BMP3: variants seen among roughly 807,000 people sequenced by gnomAD.
BMP3 encodes bone morphogenetic protein 3 (osteogenic).
A neutral mutation model predicts 38.1 loss-of-function variants in BMP3; 23 were observed. The observed-to-expected ratio is 0.60, with a 90% confidence interval of 0.43 to 0.86. The LOEUF (loss-of-function observed/expected upper bound fraction) is 0.86. Ranked by LOEUF, BMP3 falls within the 40% of genes least tolerant of loss-of-function variation. The probability of loss-of-function intolerance (pLI) is 0.00; values close to 1 mark genes in which losing one functional copy is unlikely to be tolerated. For missense variants in BMP3, 628 were observed against 579.6 expected (o/e 1.08, Z -0.86); for synonymous variants, 258 against 225.7 (o/e 1.14, Z -1.28).
At chr4:81,036,843 A>G (rs896631582) in intron 1 of BMP3, among the ~76,000 whole-genome samples, 1 of 152,146 alleles carries the variant, frequency 6.6e-6, no homozygotes, top group Non-Finnish European at 1.5e-5. Flanking sequence ...GCATGATGGC[A>G]TATACAGCAG....
chr4:81,040,360 C>T (rs939798304), intron 1 of BMP3, among the ~76,000 whole-genome samples: 3 of 152,320 alleles, frequency 2.0e-5, no homozygotes, highest in African/African-American at 7.2e-5. Context: ...ACACTCTACT[C>T]TACCATAAAA....
chr4:81,053,359 A>AAATCATGCT lies in BMP3; in HGVS notation c.1244_1252dup (p.Asn415_Ala417dup), dbSNP rs1740445527. ...TCTTTCTCTAGTCTTTGAAGCCATCAAATCATGCTACCATCCAGAGTATAG... is the reference window on the plus strand; with the variant it reads ...TCTTTCTCTAGTCTTTGAAGCCATCAAATCATGCTAATCATGCTACCATCCAGAGTATAG... On this transcript the variant is annotated inframe_insertion, in exon 3 of 3. Coordinates refer to ENST00000282701, the MANE Select transcript of BMP3 (RefSeq NM_001201.5). The AAATCATGCT allele has an allele frequency of 6.4e-7, 1 of 1,571,292 alleles. No homozygotes were observed. Among genetic ancestry groups the AAATCATGCT allele is most frequent in the Non-Finnish European group, 8.6e-7 (1 of 1,164,554 alleles).
intron 1 of BMP3, among the ~76,000 whole-genome samples, chr4:81,044,480 C>T (rs1247320224): frequency 6.6e-6 from 1 of 152,172 alleles, no homozygotes; most frequent in Non-Finnish European, 1.5e-5. Flanking sequence ...AGGTGAAATT[C>T]ACATAGTATA....
At position 81,031,091 on chromosome 4, in the gene BMP3, T is replaced by G. The variant is rs1739740006; in HGVS notation, c.-194T>G. The G allele has an allele frequency of 2.0e-5, 12 of 598,018 alleles. No homozygotes were observed. The highest frequency in any genetic ancestry group is 3.1e-5 in the Non-Finnish European group (11 of 353,546). 37.0% of individuals were successfully genotyped at this position (598,018 alleles called of 1,614,324 possible). A position where few individuals can be genotyped will look rare whatever the true frequency, so the allele number is the denominator to read the frequency against. On this transcript the variant is annotated 5_prime_UTR_variant, in exon 1 of 3. Transcript: ENST00000282701. ...CGCAGCTGCTGGGGAAGAGCCCACC[T>G]GTCAGGCTGCGCTGGGTCAGCGCAG...
At chr4:81,047,445 G>A (rs749308063) in intron 2 of BMP3, among the ~76,000 whole-genome samples, 2 of 151,722 alleles carry the variant, frequency 1.3e-5, no homozygotes, top group Admixed American at 6.6e-5. Flanking sequence ...TACAGTTTAA[G>A]TAGTACCCTC....
chr4:81,037,365 T>A, intron 1 of BMP3: 1 of 265,334 alleles, frequency 3.8e-6, no homozygotes, highest in Non-Finnish European at 7.8e-6. Flanking sequence ...GAGAAAAGAT[T>A]ATTAGTGTTT....
intron 2 of BMP3, among the ~76,000 whole-genome samples, chr4:81,052,633 C>A (rs541739585): frequency 1.3e-5 from 2 of 152,144 alleles, no homozygotes; most frequent in South Asian, 4.1e-4. Flanking sequence ...ATGCCTAATT[C>A]TAAACCAGTG....
chr4:81,049,591 G>A (rs898359075), intron 2 of BMP3, among the ~76,000 whole-genome samples: 1 of 152,182 alleles, frequency 6.6e-6, no homozygotes, highest in Non-Finnish European at 1.5e-5. Flanking sequence ...ATCACCTTGT[G>A]TGTATCTGTT....
Position 81,031,422 on chromosome 4 carries a change from G to A in BMP3, c.138G>A (p.Pro46=), listed in dbSNP as rs142084218. ...GTGACCGCACGGCAGGTGGTGGCCC[G>A]GACTCCGAGCTGCAGCCGCAAGACA... is the stretch of plus-strand genomic sequence containing the variant. ...VPGDRTAGGG[P]DSELQPQDKV... is the part of the protein sequence containing the mutation. Residue 46 remains proline, a synonymous_variant, in exon 1 of 3, where the codon CCG becomes CCA. Coordinates refer to ENST00000282701, the MANE Select transcript of BMP3 (RefSeq NM_001201.5). The A allele has an allele frequency of 6.2e-7, 1 of 1,613,678 alleles. No individual in the cohort carries two copies. Among genetic ancestry groups the A allele is most frequent in the Admixed American group, 1.7e-5 (1 of 60,012 alleles).
In BMP3 at chr4:81,053,408, G is replaced by A. The variant is rs1411799464; in HGVS notation, c.1291G>A (p.Gly431Arg). The A allele has an allele frequency of 2.5e-6, 4 of 1,611,036 alleles. No homozygotes were observed. The East Asian group carries it at 6.7e-5, about 27-fold the overall frequency. ...AGTGAGAGCTGTGGGGGTCGTTCCT[G>A]GGATTCCTGAGCCTTGCTGTGTACC... The part of the protein sequence containing the change: ...SIVRAVGVVP[G>R]IPEPCCVPEK... Residue 431 changes from glycine (G) to arginine (R), a missense_variant, in exon 3 of 3, where the codon GGG becomes AGG. Coordinates refer to ENST00000282701, the MANE Select transcript of BMP3 (RefSeq NM_001201.5).
At position 81,046,555 on chromosome 4, in the gene BMP3, C is replaced by T. The variant is rs760557406; in HGVS notation, c.1134C>T (p.Asp378=). ...RNCARRYLKV[D]FADIGWSEWI... is the part of the protein sequence containing the mutation. ...GCGCCAGGAGATACCTCAAGGTAGA[C>T]TTTGCAGATATTGGCTGGAGTGAAT... Residue 378 remains aspartate, a synonymous_variant, in exon 2 of 3, where the codon GAC becomes GAT. Coordinates refer to ENST00000282701, the MANE Select transcript of BMP3 (RefSeq NM_001201.5). 5 of 1,614,120 alleles carry T rather than the reference C, an allele frequency of 3.1e-6. No individual in the cohort carries two copies. Among genetic ancestry groups the T allele is most frequent in the Non-Finnish European group, 4.2e-6 (5 of 1,180,010 alleles).
chr4:81,053,313 CAT>C (rs1740444158), intron 2 of BMP3, 30 bp from the exon 3 acceptor site: 1 of 1,483,272 alleles, frequency 6.7e-7, no homozygotes, highest in Non-Finnish European at 9.0e-7. Flanking sequence ...TTCCACCTAA[CAT>C]ATGTGTTCTT....
chr4:81,040,064 A>C (rs1277590341), intron 1 of BMP3, among the ~76,000 whole-genome samples: 3 of 152,196 alleles, frequency 2.0e-5, no homozygotes, highest in African/African-American at 7.2e-5. Context: ...AGTGTGTAAA[A>C]GAGAGTATAG....
At chr4:81,033,128 C>G (rs768923912) in intron 1 of BMP3, among the ~76,000 whole-genome samples, 1 of 152,144 alleles carries the variant, frequency 6.6e-6, no homozygotes, top group Non-Finnish European at 1.5e-5. Flanking sequence ...TCAAATGACT[C>G]TTATCTTGAT....
At chr4:81,052,617 A>G (rs572735540) in intron 2 of BMP3, among the ~76,000 whole-genome samples, 1 of 152,232 alleles carries the variant, frequency 6.6e-6, no homozygotes, top group African/African-American at 2.4e-5. Flanking sequence ...CTTAGAACAC[A>G]ACTCCATGCC....
intron 2 of BMP3, among the ~76,000 whole-genome samples, chr4:81,048,634 A>G (rs1740325342): frequency 6.6e-6 from 1 of 152,212 alleles, no homozygotes; most frequent in Non-Finnish European, 1.5e-5. Context: ...CTGTTACTTC[A>G]GAAGAGCTCC....
In BMP3 at chr4:81,031,250, C is replaced by A; in HGVS notation, c.-35C>A. ...GCGCCTTCGGAGTGTCCCGCAGCGA[C>A]GCCGGGAGCCGACGCGCCGCGCGGG... is the stretch of plus-strand genomic sequence containing the variant. On this transcript the variant is annotated 5_prime_UTR_variant, in exon 1 of 3. Coordinates refer to ENST00000282701, the MANE Select transcript of BMP3 (RefSeq NM_001201.5). 1 of 1,540,382 alleles carries A rather than the reference C, an allele frequency of 6.5e-7. No individual in the cohort carries two copies. The highest frequency in any genetic ancestry group is 8.7e-7 in the Non-Finnish European group (1 of 1,143,294).
Position 81,030,764 on chromosome 4 carries a change from C to T in BMP3, c.-521C>T, listed in dbSNP as rs1194146664. Among the ~76,000 whole-genome samples the T allele has an allele frequency of 6.6e-6, 1 of 151,966 alleles. No homozygotes were observed. Among genetic ancestry groups the T allele is most frequent in the Admixed American group, 6.5e-5 (1 of 15,280 alleles). On this transcript the variant is annotated 5_prime_UTR_variant, in exon 1 of 3. Coordinates refer to ENST00000282701, the MANE Select transcript of BMP3 (RefSeq NM_001201.5). The stretch of plus-strand genomic sequence containing the variant: ...ACACGCGCGCGCGCGCGCGCACACA[C>T]ACACACACGTACACTAAAAAACTCG...
At chr4:81,036,437 T>C (rs576775318) in intron 1 of BMP3, among the ~76,000 whole-genome samples, 1 of 152,178 alleles carries the variant, frequency 6.6e-6, no homozygotes, top group East Asian at 1.9e-4. Context: ...TCAGGATTTT[T>C]GTGCTTCAGT....
Sources: allele counts gnomAD v4.1 joint callset (sites outside exome capture counted in the v4.1 genomes callset), GRCh38; gene constraint gnomAD v4.1.1; transcripts MANE v1.5; gene names NCBI Gene and HGNC (gene_info 2026-07-23, HGNC 2026-07-21).